The following MRPS33 variants were observed in gnomAD, a reference collection of about 807,000 sequenced individuals.
MRPS33 encodes small ribosomal subunit protein mS33.
Under a neutral mutation model 11.2 loss-of-function variants are expected in MRPS33, and 11 were observed. The ratio of observed to expected loss-of-function variants is 0.99; its 90% CI spans 0.62 to 1.63. The LOEUF (loss-of-function observed/expected upper bound fraction) is 1.63. Ranked by LOEUF, MRPS33 falls within the 40% of genes most tolerant of loss-of-function variation. The probability of loss-of-function intolerance (pLI) is 0.00; values close to 1 mark genes in which losing one functional copy is unlikely to be tolerated. For synonymous variants in MRPS33, 46 were observed against 44.0 expected (o/e 1.05, Z -0.18); for missense variants, 109 against 127.8 (o/e 0.85, Z 0.71).
At chr7:141,008,205 T>C (rs1820582388) in intron 2 of MRPS33, among the ~76,000 whole-genome samples, 1 of 152,212 alleles carries the variant, frequency 6.6e-6, no homozygotes, top group Non-Finnish European at 1.5e-5. Flanking sequence ...ATCTTGTTTT[T>C]CTATGGATAA....
In MRPS33 at chr7:141,010,558, T is replaced by C. The variant is rs767186341; in HGVS notation, c.76A>G (p.Thr26Ala). The C allele has an allele frequency of 1.7e-5, 27 of 1,614,060 alleles. No individual in the cohort carries two copies. Among genetic ancestry groups the C allele is most frequent in the Non-Finnish European group, 1.9e-5 (23 of 1,180,020 alleles). Residue 26 changes from threonine to alanine, a missense_variant, in exon 2 of 3, where the codon ACT becomes GCT. Physicochemically the swap from Thr to Ala is moderately conservative, Grantham distance 58. Transcript: ENST00000324787. Reference sequence around the variant, plus strand: ...ACCACTTTCATAGACTTGGAATTAGTAGGCCTGGTGACTTCACCAAATAGC... The same window carrying C: ...ACCACTTTCATAGACTTGGAATTAGCAGGCCTGGTGACTTCACCAAATAGC... ...ARLFGEVTRP[T>A]NSKSMKVVKL...
chr7:141,006,523 C>A lies in MRPS33; in HGVS notation c.228G>T (p.Gln76His). 1 of 1,613,626 alleles carries A rather than the reference C, an allele frequency of 6.2e-7. No individual in the cohort carries two copies. The highest frequency in any genetic ancestry group is 8.5e-7 in the Non-Finnish European group (1 of 1,179,948). ...RFLGLYRDEH[Q>H]DFMDEQKRLK... The stretch of plus-strand genomic sequence containing the variant: ...GTCGTTTTTGCTCATCCATAAAATC[C>A]TGATGCTCATCTCTGAATGAAGAAG... Residue 76 changes from glutamine to histidine, a missense_variant, in exon 3 of 3, where the codon CAG becomes CAT. By Grantham distance (24) the Gln-to-His change is conservative. Coordinates refer to ENST00000324787, the MANE Select transcript of MRPS33 (RefSeq NM_053035.3).
At position 141,005,221 on chromosome 7, in the gene MRPS33, G is replaced by A. The variant is rs1199754276; in HGVS notation, c.*1209C>T. ...CCTCTGTTTTCTTACAGCCAACCAT[G>A]AACAAACTCAGTGTTTCTTGAACAG... On this transcript the variant is annotated 3_prime_UTR_variant, in exon 3 of 3. Coordinates refer to ENST00000324787, the MANE Select transcript of MRPS33 (RefSeq NM_053035.3). 6.6e-6 allele frequency: 1 copy of A among 152,192 alleles called. No individual in the cohort carries two copies. The highest frequency in any genetic ancestry group is 2.4e-5 in the African/African-American group (1 of 41,444). 9.4% of individuals were successfully genotyped at this position (152,192 alleles called of 1,614,324 possible). A position where few individuals can be genotyped will look rare whatever the true frequency, so the allele number is the denominator to read the frequency against.
intron 2 of MRPS33, 138 bp downstream of exon 2, chr7:141,010,280 CT>C (rs1820641270): frequency 1.4e-6 from 1 of 729,714 alleles, no homozygotes; most frequent in Non-Finnish European, 2.2e-6. Flanking sequence ...AGAAGACTTT[CT>C]CCTGCCAACT....
Position 141,003,286 on chromosome 7 carries a change from A to G in MRPS33, c.*3144T>C, listed in dbSNP as rs1477838305. On this transcript the variant is annotated 3_prime_UTR_variant, in exon 3 of 3. Transcript: ENST00000324787. ...ATTACACTTAGTCACCATCTTAACC[A>G]TTGGTCACTGTTGTCCTGAAATTTG... 5 of 152,174 alleles carry G rather than the reference A, an allele frequency of 3.3e-5. No individual in the cohort carries two copies. The highest frequency in any genetic ancestry group is 6.6e-5 in the Admixed American group (1 of 15,260). 9.4% of individuals were successfully genotyped at this position (152,174 alleles called of 1,614,324 possible). A position where few individuals can be genotyped will look rare whatever the true frequency, so the allele number is the denominator to read the frequency against.
At chr7:141,008,025 T>C (rs138601915) in intron 2 of MRPS33, among the ~76,000 whole-genome samples, 1 of 152,326 alleles carries the variant, frequency 6.6e-6, no homozygotes, top group Non-Finnish European at 1.5e-5. Flanking sequence ...AGGTACCTGG[T>C]TAACTGAATG....
At position 141,010,449 on chromosome 7, in the gene MRPS33, A is replaced by G. The variant is rs758022565; in HGVS notation, c.185T>C (p.Met62Thr). ...YPNHHTYAEL[M>T]QTLRFLGLYR... is the part of the protein sequence containing the mutation. ...GAGTCCAAGAAATCGGAGCGTCTGC[A>G]TGAGTTCAGCGTAAGTGTGGTGATT... The change falls in exon 2 of 3, where the codon ATG becomes ACG. Residue 62 changes from methionine to threonine, a missense_variant. Coordinates refer to ENST00000324787, the MANE Select transcript of MRPS33 (RefSeq NM_053035.3). 5 of 1,614,072 alleles carry G rather than the reference A, an allele frequency of 3.1e-6. No homozygotes were observed. The East Asian group carries it at 6.7e-5, about 22-fold the overall frequency.
chr7:141,007,146 T>TA (rs1024159129), intron 2 of MRPS33, among the ~76,000 whole-genome samples: 1 of 151,942 alleles, frequency 6.6e-6, no homozygotes, highest in Non-Finnish European at 1.5e-5. Context: ...GCTTATATTA[T>TA]AAAAAAAAGT....
intron 2 of MRPS33, among the ~76,000 whole-genome samples, chr7:141,008,353 C>G (rs118156805): frequency 0.017 from 2,557 of 152,272 alleles, 37 homozygotes; most frequent in Non-Finnish European, 0.027. Flanking sequence ...ATCTGCCTCC[C>G]AATATTTTAT....
intron 2 of MRPS33, 83 bp from the exon 3 acceptor site, chr7:141,006,618 G>A (rs917202680): frequency 3.6e-6 from 4 of 1,105,404 alleles, no homozygotes; most frequent in Non-Finnish European, 5.4e-6. Flanking sequence ...TGCTCTCTTA[G>A]GTCATTCTGG....
chr7:141,011,952 A>G (rs1292856718), intron 1 of MRPS33, among the ~76,000 whole-genome samples: 1 of 151,350 alleles, frequency 6.6e-6, no homozygotes, highest in Non-Finnish European at 1.5e-5. Context: ...CTTCAAGACC[A>G]GCCCAGGCAA....
At chr7:141,013,793 C>T (rs1820736522) in intron 1 of MRPS33, among the ~76,000 whole-genome samples, 1 of 152,170 alleles carries the variant, frequency 6.6e-6, no homozygotes, top group African/African-American at 2.4e-5. Flanking sequence ...CATATTTTTA[C>T]TTTGGCATAA....
intron 1 of MRPS33, among the ~76,000 whole-genome samples, chr7:141,012,173 CAAAAAAAAAA>C (rs56343833): frequency 1.7e-5 from 1 of 58,782 alleles, no homozygotes; most frequent in Non-Finnish European, 2.8e-5. Context: ...GATTGTGTGT[CAAAAAAAAAA>C]AAAAAAAAAA....
Position 141,010,543 on chromosome 7 carries a change from T to C in MRPS33, c.91A>G (p.Met31Val), listed in dbSNP as rs1322153980. 7 of 1,614,042 alleles carry C rather than the reference T, an allele frequency of 4.3e-6. No homozygotes were observed. Among genetic ancestry groups the C allele is most frequent in the East Asian group, 2.2e-5 (1 of 44,888 alleles). Residue 31 changes from methionine (M) to valine (V), a missense_variant, in exon 2 of 3, where the codon ATG becomes GTG. Coordinates refer to ENST00000324787, the MANE Select transcript of MRPS33 (RefSeq NM_053035.3). The stretch of plus-strand genomic sequence containing the variant: ...TCACTAAACAGTTTCACCACTTTCA[T>C]AGACTTGGAATTAGTAGGCCTGGTG... ...EVTRPTNSKS[M>V]KVVKLFSELP... is the part of the protein sequence containing the mutation.
intron 1 of MRPS33, among the ~76,000 whole-genome samples, chr7:141,012,022 T>C (rs368012867): frequency 2.1e-5 from 3 of 145,614 alleles, no homozygotes; most frequent in Non-Finnish European, 4.5e-5. Context: ...ATAAGAAAAT[T>C]AGTCTGCTAT....
At chr7:141,013,086 A>G (rs1358807171) in intron 1 of MRPS33, among the ~76,000 whole-genome samples, 1 of 152,014 alleles carries the variant, frequency 6.6e-6, no homozygotes, top group Non-Finnish European at 1.5e-5. Flanking sequence ...AGAGAGAGAC[A>G]GACAGATAGA....
chr7:141,010,130 G>A (rs942696031), intron 2 of MRPS33: 1 of 286,738 alleles, frequency 3.5e-6, no homozygotes, highest in Non-Finnish European at 6.5e-6. Flanking sequence ...AGTGCTCTTA[G>A]ATTAACAAAT....
chr7:141,010,683 T>TA, intron 1 of MRPS33, 23 bp from the exon 2 acceptor site: 12 of 1,544,146 alleles, frequency 7.8e-6, no homozygotes, highest in Non-Finnish European at 1.1e-5. Context: ...AGAAGAAAGT[T>TA]AAACAGGTTA....
At chr7:141,013,811 A>G (rs917547026) in intron 1 of MRPS33, among the ~76,000 whole-genome samples, 2 of 152,256 alleles carry the variant, frequency 1.3e-5, no homozygotes, top group African/African-American at 4.8e-5. Context: ...TAACAGGGCA[A>G]ACTTCTTTGA....
Sources: gnomAD v4.1 joint callset for allele counts (sites outside exome capture counted in the v4.1 genomes callset) on GRCh38, gnomAD v4.1.1 for gene constraint, MANE v1.5 for transcripts, NCBI Gene and HGNC (gene_info 2026-07-23, HGNC 2026-07-21) for gene names.